AHRR: variants seen among roughly 807,000 people sequenced by gnomAD.
The protein encoded by AHRR is ahR repressor.
Under a neutral mutation model 44.0 loss-of-function variants are expected in AHRR, and 28 were observed. That is an observed-to-expected ratio of 0.64 (90% CI 0.47 to 0.87). The LOEUF (loss-of-function observed/expected upper bound fraction) is 0.87, where lower values mean the gene tolerates loss of function less well. AHRR is among the 40% of genes least tolerant of loss of function. The pLI is 0.00. For synonymous variants in AHRR, 434 were observed against 407.0 expected, an observed-to-expected ratio of 1.07 and a Z score of -0.80; for missense variants, 990 against 953.9, an observed-to-expected ratio of 1.04 and a Z score of -0.50.
At chr5:421,449 G>A in intron 5 of AHRR, 2 of 529,716 alleles carry the variant, frequency 3.8e-6, no homozygotes, top group South Asian at 4.8e-5. Context: ...TGCCGGCGAT[G>A]CCCTGTGGCC....
intron 2 of AHRR, among the ~76,000 whole-genome samples, chr5:349,574 C>T (rs138433577): frequency 0.026 from 3,342 of 127,284 alleles, 55 homozygotes; most frequent in Non-Finnish European, 0.043. Context: ...AGTGAGACTC[C>T]GTCTCAAAAA....
chr5:393,605 G>C (rs1734569184), intron 4 of AHRR, among the ~76,000 whole-genome samples: 1 of 151,858 alleles, frequency 6.6e-6, no homozygotes, highest in Non-Finnish European at 1.5e-5. Context: ...GCTCTTCTGG[G>C]AGCTATTGCA....
chr5:374,767 G>A (rs375821521), intron 3 of AHRR, among the ~76,000 whole-genome samples: 2 of 152,222 alleles, frequency 1.3e-5, no homozygotes, highest in African/African-American at 2.4e-5. Flanking sequence ...ACCTTAGCTC[G>A]TCAGCATCCC....
At chr5:411,000 G>C (rs1027405713) in intron 4 of AHRR, among the ~76,000 whole-genome samples, 8 of 146,032 alleles carry the variant, frequency 5.5e-5, no homozygotes, top group Admixed American at 1.3e-4. Flanking sequence ...TAAACTCCTG[G>C]TGTCAGTGAT....
chr5:362,456 C>A (rs577138845), intron 3 of AHRR, among the ~76,000 whole-genome samples: 1 of 152,350 alleles, frequency 6.6e-6, no homozygotes, highest in South Asian at 2.1e-4. Context: ...TTCCAGCTCT[C>A]CAGGCTGTGC....
chr5:388,593 T>C lies in AHRR; in HGVS notation c.351+11877T>C, dbSNP rs1734267222. 1.3e-5 allele frequency among the ~76,000 whole-genome samples: 2 copies of C among 152,108 alleles called. No individual in the cohort carries two copies. The highest frequency in any genetic ancestry group is 2.4e-5 in the African/African-American group (1 of 41,428). ...GTGGCCCTGAGCCGAGGCTGCTTCATGCCAGGCAGCCCTGAGGGGCCGAGC... is the reference window on the plus strand; with the variant it reads ...GTGGCCCTGAGCCGAGGCTGCTTCACGCCAGGCAGCCCTGAGGGGCCGAGC... On this transcript the variant is annotated intron_variant, in intron 4 of 10. Coordinates refer to ENST00000684583, the MANE Select transcript of AHRR (RefSeq NM_001377236.1). The surrounding 1 kb of genome is among the most constrained non-coding windows in gnomAD (Gnocchi z 5.2).
intron 7 of AHRR, among the ~76,000 whole-genome samples, chr5:426,075 G>T (rs559350735): frequency 2.6e-5 from 4 of 152,244 alleles, no homozygotes; most frequent in Non-Finnish European, 5.9e-5. Context: ...CTGCATATCT[G>T]GGAATTTTTC....
At chr5:401,931 C>G (rs1419143852) in intron 4 of AHRR, among the ~76,000 whole-genome samples, 1 of 152,098 alleles carries the variant, frequency 6.6e-6, no homozygotes, top group African/African-American at 2.4e-5. Flanking sequence ...AGCGGGGCAG[C>G]AAAAGAGAAA....
At chr5:420,179 C>G (rs952048552) in intron 5 of AHRR, among the ~76,000 whole-genome samples, 2 of 152,230 alleles carry the variant, frequency 1.3e-5, no homozygotes, top group Non-Finnish European at 2.9e-5. Flanking sequence ...GTTCCAGTAT[C>G]CAGAGTGAAC....
intron 3 of AHRR, among the ~76,000 whole-genome samples, chr5:366,575 T>C (rs950410816): frequency 4.6e-5 from 7 of 152,146 alleles, no homozygotes; most frequent in Non-Finnish European, 8.8e-5. Context: ...GAAATATCAA[T>C]TGGTGCTAAA....
At chr5:369,693 T>G (rs1314303335) in intron 3 of AHRR, among the ~76,000 whole-genome samples, 1 of 152,226 alleles carries the variant, frequency 6.6e-6, no homozygotes, top group Admixed American at 6.5e-5. Flanking sequence ...GTGCAGAAGC[T>G]GGGACAAATT....
chr5:427,613 C>G, intron 7 of AHRR, 194 bp from the exon 8 acceptor site: 1 of 1,612,316 alleles, frequency 6.2e-7, no homozygotes, highest in East Asian at 2.2e-5. Flanking sequence ...CAGGATGATT[C>G]AAGCACATCG....
Position 405,918 on chromosome 5 carries a change from C to T in AHRR, c.352-7426C>T, listed in dbSNP as rs1316335599. Among the ~76,000 whole-genome samples, 2 of 152,178 alleles carry T rather than the reference C, an allele frequency of 1.3e-5. No homozygotes were observed. Among genetic ancestry groups the T allele is most frequent in the African/African-American group, 4.8e-5 (2 of 41,444 alleles). Reference sequence around the variant, plus strand: ...GGTGTGGCTTTCCTCCTGAATTAGGCGTGGTGTGGCAGCGTCCAGGGAAGA... The same window carrying T: ...GGTGTGGCTTTCCTCCTGAATTAGGTGTGGTGTGGCAGCGTCCAGGGAAGA... On this transcript the variant is annotated intron_variant, in intron 4 of 10. Coordinates refer to ENST00000684583, the MANE Select transcript of AHRR (RefSeq NM_001377236.1). The surrounding 1 kb of genome is among the most constrained non-coding windows in gnomAD (Gnocchi z 4.5).
In AHRR at chr5:391,306, G is replaced by GGCGGGGCCAGAGC. The variant is rs1560904031; in HGVS notation, c.351+14591_351+14592insCGGGGCCAGAGCG. 1.7e-3 allele frequency among the ~76,000 whole-genome samples: 143 copies of GGCGGGGCCAGAGC among 85,274 alleles called. 8 individuals carry two copies. Among genetic ancestry groups the GGCGGGGCCAGAGC allele is most frequent in the South Asian group, 0.011 (22 of 1,936 alleles). 55.9% of individuals were successfully genotyped at this position (85,274 alleles called of 152,430 possible). Reference sequence around the variant, plus strand: ...AGTCATGACACAGCCAGATTAGGAAGGTGGGCCAGAGCGTGCACGGGCGCA... The same window carrying GGCGGGGCCAGAGC: ...AGTCATGACACAGCCAGATTAGGAAGGCGGGGCCAGAGCGTGGGCCAGAGCGTGCACGGGCGCA... On this transcript the variant is annotated intron_variant, in intron 4 of 10. Coordinates refer to ENST00000684583, the MANE Select transcript of AHRR (RefSeq NM_001377236.1).
At chr5:344,925 T>C (rs1391194996) in intron 2 of AHRR, among the ~76,000 whole-genome samples, 1 of 70,082 alleles carries the variant, frequency 1.4e-5, no homozygotes, top group East Asian at 4.1e-4. Context: ...TGTGGAGGGC[T>C]GTGGGGAGCT....
chr5:345,312 A>ATG (rs1232249694), intron 2 of AHRR, among the ~76,000 whole-genome samples: 169 of 13,906 alleles, frequency 0.012, 10 homozygotes, highest in Non-Finnish European at 0.016. Context: ...GTGTGTGGGG[A>ATG]TGTGTGTGTG....
chr5:367,844 A>C (rs370747459), intron 3 of AHRR: 1 of 702,414 alleles, frequency 1.4e-6, no homozygotes, highest in African/African-American at 1.7e-5. Flanking sequence ...GAAGATGTGG[A>C]TGACCACACG....
Position 433,994 on chromosome 5 carries a change from C to A in AHRR, c.1254C>A (p.Pro418=), listed in dbSNP as rs749619746. 63 of 1,575,470 alleles carry A rather than the reference C, an allele frequency of 4.0e-5. No homozygotes were observed. Among genetic ancestry groups the A allele is most frequent in the Admixed American group, 1.8e-4 (10 of 55,710 alleles). The change falls in exon 11 of 11, where the codon CCC becomes CCA. Residue 418 remains proline, a synonymous_variant. Transcript: ENST00000684583. The part of the protein sequence containing the change: ...SEDGARPRLQ[P]SKNDPPSLRP... ...ATGGTGCCAGGCCGAGGCTGCAGCC[C>A]AGCAAGAATGACCCGCCCTCCCTGC...
At chr5:355,134 G>A (rs2672780) in intron 3 of AHRR, among the ~76,000 whole-genome samples, 1 of 152,210 alleles carries the variant, frequency 6.6e-6, no homozygotes, top group Admixed American at 6.5e-5. Context: ...TCTGTTCCCA[G>A]CCTGGGCCTC....
Sources: gnomAD v4.1 joint callset for allele counts (sites outside exome capture counted in the v4.1 genomes callset) on GRCh38, gnomAD v4.1.1 for gene constraint, Gnocchi (gnomAD v3.1) non-coding constraint, MANE v1.5 for transcripts, NCBI Gene and HGNC (gene_info 2026-07-23, HGNC 2026-07-21) for gene names.